The following SYT10 variants were observed in gnomAD, a reference collection of about 807,000 sequenced individuals.
SYT10 encodes synaptotagmin-10.
A neutral mutation model predicts 51.1 loss-of-function variants in SYT10; 31 were observed. The ratio of observed to expected loss-of-function variants is 0.61; its 90% CI spans 0.46 to 0.82. SYT10 has a LOEUF of 0.82. SYT10 is among the 40% of genes least tolerant of loss of function. SYT10 has a pLI of 0.00. For synonymous variants in SYT10, 233 were observed against 225.9 expected (o/e 1.03, Z -0.28); for missense variants, 603 against 634.0 (o/e 0.95, Z 0.53).
intron 3 of SYT10, among the ~76,000 whole-genome samples, chr12:33,401,555 C>A (rs1269763272): frequency 2.0e-5 from 3 of 151,990 alleles, no homozygotes; most frequent in African/African-American, 7.3e-5. Context: ...ATCATAAATA[C>A]AAAATATATG....
At chr12:33,408,221 A>G (rs527850100) in intron 2 of SYT10, 10 of 152,318 alleles carry the variant, frequency 6.6e-5, no homozygotes, top group Middle Eastern at 3.4e-3. Context: ...TTCTTAATCT[A>G]ACTAAATACA....
chr12:33,386,417 C>CTG lies in SYT10; in HGVS notation c.1078-1128_1078-1127dup, dbSNP rs142785153. Among the ~76,000 whole-genome samples the CTG allele has an allele frequency of 3.8e-4, 57 of 151,464 alleles. No individual in the cohort carries two copies. The East Asian group carries it at 8.5e-3, about 23-fold the overall frequency. Reference sequence around the variant, plus strand: ...GTCTGATGCAGACACAAATGTCTTTCTGTGTGTGTGTGTGCATGTGTGTGT... The same window carrying CTG: ...GTCTGATGCAGACACAAATGTCTTTCTGTGTGTGTGTGTGTGCATGTGTGTGT... On this transcript the variant is annotated intron_variant, in intron 3 of 6. Transcript: ENST00000228567.
chr12:33,381,212 T>C (rs1866111987), intron 5 of SYT10, among the ~76,000 whole-genome samples: 1 of 152,180 alleles, frequency 6.6e-6, no homozygotes, highest in Non-Finnish European at 1.5e-5. Context: ...TTCTAAATAG[T>C]AGTCACAAGT....
intron 6 of SYT10, among the ~76,000 whole-genome samples, chr12:33,379,145 C>T (rs1221748415): frequency 6.6e-6 from 1 of 152,104 alleles, no homozygotes; most frequent in Non-Finnish European, 1.5e-5. Flanking sequence ...AGTGCCAGAA[C>T]AAGAAGCACT....
intron 1 of SYT10, among the ~76,000 whole-genome samples, chr12:33,436,225 GT>G (rs1261257960): frequency 6.6e-6 from 1 of 152,162 alleles, no homozygotes; most frequent in Non-Finnish European, 1.5e-5. Flanking sequence ...TTCAGTCACA[GT>G]ATGCCTGAAA....
In SYT10 at chr12:33,439,457, C is replaced by T. The variant is rs1342960964; in HGVS notation, c.66G>A (p.Glu22=). 1 of 1,614,144 alleles carries T rather than the reference C, an allele frequency of 6.2e-7. No individual in the cohort carries two copies. Among genetic ancestry groups the T allele is most frequent in the Non-Finnish European group, 8.5e-7 (1 of 1,180,048 alleles). The change falls in exon 1 of 7, where the codon GAG becomes GAA. Residue 22 remains glutamate, a synonymous_variant. Coordinates refer to ENST00000228567, the MANE Select transcript of SYT10 (RefSeq NM_198992.4). ...ACTCCACCTGGCCGGCGAAGCACAG[C>T]TCGGTGACGATGTGCAGAGCCTTCT... The part of the protein sequence containing the change: ...LCQKALHIVT[E]LCFAGQVEWE...
chr12:33,424,262 A>G (rs887197927), intron 2 of SYT10, among the ~76,000 whole-genome samples: 1 of 152,152 alleles, frequency 6.6e-6, no homozygotes, highest in African/African-American at 2.4e-5. Context: ...AGGGATAATC[A>G]AATAAGTGGT....
chr12:33,431,019 A>G (rs939071341), intron 1 of SYT10, among the ~76,000 whole-genome samples: 3 of 152,172 alleles, frequency 2.0e-5, no homozygotes, highest in African/African-American at 7.2e-5. Flanking sequence ...GCCACGGCAG[A>G]TTTATCAACT....
chr12:33,415,239 A>G (rs760700774), intron 2 of SYT10, among the ~76,000 whole-genome samples: 118 of 152,200 alleles, frequency 7.8e-4, no homozygotes, highest in Non-Finnish European at 1.5e-3. Flanking sequence ...AGATTAAATG[A>G]TATATTATAT....
intron 3 of SYT10, among the ~76,000 whole-genome samples, chr12:33,398,379 G>C (rs1165816580): frequency 1.3e-5 from 2 of 151,940 alleles, no homozygotes; most frequent in South Asian, 2.1e-4. Flanking sequence ...CGAGCGTGGT[G>C]GTGGGCGCCT....
intron 1 of SYT10, among the ~76,000 whole-genome samples, chr12:33,438,457 G>A (rs1349862512): frequency 2.6e-5 from 4 of 152,132 alleles, no homozygotes; most frequent in African/African-American, 7.2e-5. Context: ...CAGCAGGCTG[G>A]ACACACCAAC....
rs749652090 is a variant in SYT10, at chr12:33,439,521, ATCGTTTGGCTTTTCTT to A, written c.-15_1del. On this transcript the variant is annotated start_lost and start_retained_variant and 5_prime_UTR_variant, in exon 1 of 7. Transcript: ENST00000228567. ...CACTCCGTCCTCCTTGTGGAAACTC[ATCGTTTGGCTTTTCTT>A]TCGTTTTCTCTTTTTTTCCCAGTTA... is the stretch of plus-strand genomic sequence containing the variant. 7 of 1,609,336 alleles carry A rather than the reference ATCGTTTGGCTTTTCTT, an allele frequency of 4.3e-6. No homozygotes were observed. The South Asian group carries it at 7.7e-5, about 18-fold the overall frequency.
chr12:33,406,845 C>G lies in SYT10; in HGVS notation c.1021G>C (p.Val341Leu). The change falls in exon 3 of 7, where the codon GTC becomes CTC. Residue 341 changes from valine to leucine, a missense_variant. Val to Leu is a conservative substitution (Grantham distance 32). Coordinates refer to ENST00000228567, the MANE Select transcript of SYT10 (RefSeq NM_198992.4). ...GTGGCTTCCCTGGAGAGATCAGAGA[C>G]TTCAAACAAATTATCAAGAATCACT... ...GEVILDNLFE[V>L]SDLSREATVW... The G allele has an allele frequency of 6.2e-7, 1 of 1,613,918 alleles. No individual in the cohort carries two copies. The highest frequency in any genetic ancestry group is 8.5e-7 in the Non-Finnish European group (1 of 1,179,988).
chr12:33,404,810 G>A (rs1485813875), intron 3 of SYT10: 2 of 152,130 alleles, frequency 1.3e-5, no homozygotes, highest in Admixed American at 1.3e-4. Flanking sequence ...ACTGTAAAAT[G>A]TTTGTGTAAG....
intron 3 of SYT10, among the ~76,000 whole-genome samples, chr12:33,390,067 A>G (rs960677410): frequency 2.0e-5 from 3 of 152,252 alleles, no homozygotes; most frequent in African/African-American, 7.2e-5. Flanking sequence ...AAGCACTGGT[A>G]AAAAATGAGA....
At chr12:33,401,391 T>C (rs1328812530) in intron 3 of SYT10, among the ~76,000 whole-genome samples, 1 of 152,202 alleles carries the variant, frequency 6.6e-6, no homozygotes, top group Non-Finnish European at 1.5e-5. Context: ...GCCAGATTTG[T>C]GATATATAGT....
intron 3 of SYT10, among the ~76,000 whole-genome samples, chr12:33,401,775 G>T (rs1471147069): frequency 6.6e-6 from 1 of 151,846 alleles, no homozygotes; most frequent in Non-Finnish European, 1.5e-5. Context: ...GGTAGTGGTA[G>T]ATCTGTATTT....
In SYT10 at chr12:33,439,753, T is replaced by A; in HGVS notation, c.-231A>T. Reference sequence around the variant, plus strand: ...CGAGGAGGCTGCGGCTGCCGCGAGGTTTGCGCCAACTCTCCCGCCGCGCGA... The same window carrying A: ...CGAGGAGGCTGCGGCTGCCGCGAGGATTGCGCCAACTCTCCCGCCGCGCGA... On this transcript the variant is annotated 5_prime_UTR_variant, in exon 1 of 7. Transcript: ENST00000228567. The A allele has an allele frequency of 1.9e-6, 1 of 531,752 alleles. No individual in the cohort carries two copies. Among genetic ancestry groups the A allele is most frequent in the Non-Finnish European group, 3.3e-6 (1 of 306,366 alleles). The allele number at this position is 531,752 out of a possible 1,614,324, so 32.9% of individuals were successfully genotyped here. A position where few individuals can be genotyped will look rare whatever the true frequency, so the allele number is the denominator to read the frequency against.
intron 5 of SYT10, among the ~76,000 whole-genome samples, chr12:33,380,480 C>T (rs1866104943): frequency 1.3e-5 from 2 of 152,114 alleles, no homozygotes; most frequent in African/African-American, 4.8e-5. Context: ...AGTTGCATGG[C>T]ATGTGATTTA....
Sources: gnomAD v4.1 joint callset for allele counts (sites outside exome capture counted in the v4.1 genomes callset) on GRCh38, gnomAD v4.1.1 for gene constraint, MANE v1.5 for transcripts, NCBI Gene and HGNC (gene_info 2026-07-23, HGNC 2026-07-21) for gene names.